ASIC2: variants seen among roughly 807,000 people sequenced by gnomAD.
ASIC2 encodes acid-sensing ion channel 2.
A neutral mutation model predicts 57.3 loss-of-function variants in ASIC2; 25 were observed. The observed-to-expected ratio is 0.44, with a 90% CI of 0.32 to 0.61. The LOEUF is 0.61. Among genes scored for constraint, ASIC2 ranks in the 20% least tolerant of loss-of-function variants. ASIC2 has a pLI of 0.06. For missense variants in ASIC2, 641 were observed against 738.1 expected, an observed-to-expected ratio of 0.87 and a Z score of 1.52; for synonymous variants, 319 against 307.5, an observed-to-expected ratio of 1.04 and a Z score of -0.39.
intron 1 of ASIC2, among the ~76,000 whole-genome samples, chr17:33,363,676 T>G (rs1207387138): frequency 6.6e-6 from 1 of 152,126 alleles, no homozygotes; most frequent in East Asian, 1.9e-4. Context: ...TGGGCCCAGC[T>G]CTGGGGGATG....
chr17:33,620,287 C>T (rs2142020696), intron 1 of ASIC2, among the ~76,000 whole-genome samples: 1 of 149,462 alleles, frequency 6.7e-6, no homozygotes. Flanking sequence ...CCATACTACA[C>T]CTCTATTAAT....
chr17:33,048,962 G>A (rs148276360), intron 3 of ASIC2, among the ~76,000 whole-genome samples: 141 of 152,286 alleles, frequency 9.3e-4, no homozygotes, highest in Admixed American at 3.5e-3. Flanking sequence ...TTTTCATCAG[G>A]GGCTCAACCA....
intron 1 of ASIC2, among the ~76,000 whole-genome samples, chr17:34,055,382 C>T (rs1001964146): frequency 6.6e-6 from 1 of 152,146 alleles, no homozygotes; most frequent in African/African-American, 2.4e-5. Context: ...TTACTCCCTG[C>T]CCTCCCACTT....
At chr17:33,676,060 T>C (rs1229005850) in intron 1 of ASIC2, among the ~76,000 whole-genome samples, 3 of 152,214 alleles carry the variant, frequency 2.0e-5, no homozygotes, top group Non-Finnish European at 4.4e-5. Flanking sequence ...CTGTGTCTGA[T>C]ATGACGATCT....
intron 1 of ASIC2, among the ~76,000 whole-genome samples, chr17:33,779,489 C>T (rs1325106311): frequency 6.6e-6 from 1 of 152,230 alleles, no homozygotes; most frequent in African/African-American, 2.4e-5. Context: ...CAGTTAGATA[C>T]AAAGCCAGCT....
At chr17:33,066,101 T>G (rs955400113) in intron 3 of ASIC2, among the ~76,000 whole-genome samples, 3 of 151,784 alleles carry the variant, frequency 2.0e-5, no homozygotes, top group Non-Finnish European at 4.4e-5. Context: ...TCTCGGGGAG[T>G]ATGAACCCAT....
chr17:34,049,225 G>A (rs1015317849), intron 1 of ASIC2, among the ~76,000 whole-genome samples: 2 of 152,106 alleles, frequency 1.3e-5, no homozygotes, highest in Admixed American at 6.6e-5. Context: ...CCAGGAGATC[G>A]AGGCCACAGT....
intron 1 of ASIC2, among the ~76,000 whole-genome samples, chr17:33,231,175 G>C (rs1396794869): frequency 1.3e-5 from 2 of 152,202 alleles, no homozygotes; most frequent in African/African-American, 4.8e-5. Context: ...AGCATGAGGG[G>C]AGAGGTGTGG....
chr17:33,302,994 A>G (rs1906019408), intron 1 of ASIC2, among the ~76,000 whole-genome samples: 1 of 152,228 alleles, frequency 6.6e-6, no homozygotes, highest in Non-Finnish European at 1.5e-5. Flanking sequence ...CCATAATCCC[A>G]TACTCTAACC....
At chr17:33,350,019 G>C (rs187688275) in intron 1 of ASIC2, among the ~76,000 whole-genome samples, 1 of 152,176 alleles carries the variant, frequency 6.6e-6, no homozygotes, top group Non-Finnish European at 1.5e-5. Context: ...AAAACTCTCA[G>C]TCTTCCTTGT....
chr17:34,152,332 C>T (rs1428708814), intron 1 of ASIC2, among the ~76,000 whole-genome samples: 1 of 152,106 alleles, frequency 6.6e-6, no homozygotes, highest in Non-Finnish European at 1.5e-5. Context: ...AGTCAGATGA[C>T]CCCTAACATG....
chr17:33,847,420 T>C (rs7224122), intron 1 of ASIC2, among the ~76,000 whole-genome samples: 3,835 of 152,062 alleles, frequency 0.025, 181 homozygotes, highest in African/African-American at 0.088. Context: ...ACTTTCTCCT[T>C]ATATGACCTG....
chr17:33,361,774 T>C (rs2141931577), intron 1 of ASIC2, among the ~76,000 whole-genome samples: 1 of 152,338 alleles, frequency 6.6e-6, no homozygotes, highest in East Asian at 1.9e-4. Context: ...CTCTGCACTT[T>C]GTGATTCACA....
chr17:34,111,559 C>T (rs1334980334), intron 1 of ASIC2, among the ~76,000 whole-genome samples: 3 of 152,040 alleles, frequency 2.0e-5, no homozygotes, highest in South Asian at 2.1e-4. Context: ...GAGCTAGGCA[C>T]GTTATTCTGC....
intron 1 of ASIC2, among the ~76,000 whole-genome samples, chr17:33,391,240 C>A (rs1909878146): frequency 6.6e-6 from 1 of 152,192 alleles, no homozygotes; most frequent in African/African-American, 2.4e-5. Flanking sequence ...AGAATGGGAC[C>A]TAGAACTCAG....
chr17:33,028,157 G>T, intron 4 of ASIC2, 85 bp downstream of exon 4: 1 of 1,516,706 alleles, frequency 6.6e-7, no homozygotes, highest in East Asian at 2.3e-5. Flanking sequence ...CGAAGTGGGT[G>T]AAGTGTTTCC....
chr17:33,485,040 C>T (rs1259187750), intron 1 of ASIC2, among the ~76,000 whole-genome samples: 1 of 152,254 alleles, frequency 6.6e-6, no homozygotes. Flanking sequence ...CACAGGCTCA[C>T]CCTTCAATTC....
At chr17:33,057,406 G>A (rs553740704) in intron 3 of ASIC2, among the ~76,000 whole-genome samples, 3 of 152,304 alleles carry the variant, frequency 2.0e-5, no homozygotes, top group African/African-American at 7.2e-5. Context: ...CAAGGGGAAG[G>A]ACTTGATGAT....
intron 1 of ASIC2, among the ~76,000 whole-genome samples, chr17:33,349,130 T>C (rs1202658508): frequency 6.6e-6 from 1 of 152,232 alleles, no homozygotes; most frequent in Non-Finnish European, 1.5e-5. Flanking sequence ...AAGGAGCGGC[T>C]GCTTCTCACC....
Sources: gnomAD v4.1 joint callset for allele counts (sites outside exome capture counted in the v4.1 genomes callset) on GRCh38, gnomAD v4.1.1 for gene constraint, MANE v1.5 for transcripts, NCBI Gene and HGNC (gene_info 2026-07-23, HGNC 2026-07-21) for gene names.